SAMD5: variants seen among roughly 807,000 people sequenced by gnomAD.
SAMD5 encodes the protein sterile alpha motif domain-containing protein 5.
In SAMD5, 13 loss-of-function variants were observed where a neutral mutation model predicts 11.3. The observed-to-expected ratio is 1.15, with a 90% CI of 0.75 to 1.83. The LOEUF is 1.83. Among genes scored for constraint, SAMD5 ranks in the 40% most tolerant of loss-of-function variants. The pLI is 0.00. For synonymous variants in SAMD5, 129 were observed against 111.3 expected (o/e 1.16, Z -1.00); for missense variants, 255 against 239.1 (o/e 1.07, Z -0.44).
rs1379205586 is a variant in SAMD5 at position 147,705,426 on chromosome 6, G to T, written c.163-31891G>T. 2.0e-5 allele frequency among the ~76,000 whole-genome samples: 3 copies of T among 151,812 alleles called. No homozygotes were observed. In the South Asian group the frequency reaches 6.3e-4, roughly 32 times the overall value. On this transcript the variant is annotated intron_variant, in intron 1 of 1. Coordinates refer to the SAMD5 transcript ENST00000566741. ...AATAATTTTCCTAGAATAATTTATTGATGCATCTATCCATTTAAATATTCA... is the reference window on the plus strand; with the variant it reads ...AATAATTTTCCTAGAATAATTTATTTATGCATCTATCCATTTAAATATTCA...
At chr6:147,899,444 T>C in the SAMD5 span, among the ~76,000 whole-genome samples, 1 of 152,160 alleles carries the variant, frequency 6.6e-6, no homozygotes, top group Non-Finnish European at 1.5e-5. Context: ...TTTTAGATTT[T>C]CAATTGATTG....
intron 1 of SAMD5, among the ~76,000 whole-genome samples, chr6:147,520,174 G>T (rs1788230651): frequency 6.7e-6 from 1 of 148,946 alleles, no homozygotes; most frequent in African/African-American, 2.5e-5. Flanking sequence ...CTGGAGTGCA[G>T]AGGCACCATC....
At chr6:147,673,438 C>T (rs187631953) in intron 1 of SAMD5, among the ~76,000 whole-genome samples, 1 of 152,206 alleles carries the variant, frequency 6.6e-6, no homozygotes, top group East Asian at 1.9e-4. Context: ...TGGTCTTGAT[C>T]GCCTGACCTC....
chr6:147,643,047 A>G (rs773502237), intron 1 of SAMD5, among the ~76,000 whole-genome samples: 1 of 152,190 alleles, frequency 6.6e-6, no homozygotes, highest in Non-Finnish European at 1.5e-5. Context: ...AATTTTATTC[A>G]TTATTAATCC....
chr6:147,622,918 G>C (rs919644958), intron 1 of SAMD5, among the ~76,000 whole-genome samples: 2 of 152,100 alleles, frequency 1.3e-5, no homozygotes, highest in Non-Finnish European at 2.9e-5. Context: ...AAGCAAAAGG[G>C]GAAACCCCTT....
the SAMD5 span, among the ~76,000 whole-genome samples, chr6:147,816,301 A>AAAAAAAT: frequency 2.1e-3 from 140 of 66,334 alleles, 6 homozygotes; most frequent in African/African-American, 0.013. Context: ...AAAAAAAAAA[A>AAAAAAAT]ATATATATAT....
chr6:147,866,784 C>T, the SAMD5 span, among the ~76,000 whole-genome samples: 1 of 151,882 alleles, frequency 6.6e-6, no homozygotes, highest in South Asian at 2.1e-4. Context: ...TGGCTAAAAT[C>T]GTTTTAAAAG....
chr6:147,590,868 A>G (rs1789442339), intron 1 of SAMD5, among the ~76,000 whole-genome samples: 1 of 152,236 alleles, frequency 6.6e-6, no homozygotes, highest in African/African-American at 2.4e-5. Flanking sequence ...AGAAGTAACT[A>G]AATGGTAATA....
At chr6:147,921,903 A>G in the SAMD5 span, among the ~76,000 whole-genome samples, 1 of 152,184 alleles carries the variant, frequency 6.6e-6, no homozygotes, top group African/African-American at 2.4e-5. Context: ...TATGGGAAAA[A>G]CAATACAAAG....
chr6:147,717,433 G>T (rs1791484066), intron 1 of SAMD5, among the ~76,000 whole-genome samples: 1 of 152,098 alleles, frequency 6.6e-6, no homozygotes, highest in Non-Finnish European at 1.5e-5. Context: ...TGGCTATTAG[G>T]CAGTGCAGTG....
the SAMD5 span, among the ~76,000 whole-genome samples, chr6:147,796,726 A>C: frequency 6.6e-6 from 1 of 151,866 alleles, no homozygotes; most frequent in Non-Finnish European, 1.5e-5. Context: ...ATTTGTTTGT[A>C]TCCTCTTTTA....
At chr6:147,848,167 A>C in the SAMD5 span, among the ~76,000 whole-genome samples, 1 of 152,204 alleles carries the variant, frequency 6.6e-6, no homozygotes, top group South Asian at 2.1e-4. Flanking sequence ...TCTTACATTA[A>C]AGAGCATTTA....
intron 1 of SAMD5, among the ~76,000 whole-genome samples, chr6:147,715,603 A>T (rs1583150629): frequency 6.6e-6 from 1 of 152,296 alleles, no homozygotes; most frequent in East Asian, 1.9e-4. Context: ...AGCAAGGGGC[A>T]TGTTTCAGCC....
the SAMD5 span, among the ~76,000 whole-genome samples, chr6:147,811,990 A>G: frequency 6.6e-6 from 1 of 152,006 alleles, no homozygotes; most frequent in Non-Finnish European, 1.5e-5. Flanking sequence ...ACTTTTGGGG[A>G]GAGAGGGGAG....
intron 1 of SAMD5, among the ~76,000 whole-genome samples, chr6:147,591,450 G>A (rs978201326): frequency 6.6e-6 from 1 of 152,188 alleles, no homozygotes; most frequent in Admixed American, 6.5e-5. Flanking sequence ...GTCGGCCACT[G>A]TTGGATGTGT....
the SAMD5 span, among the ~76,000 whole-genome samples, chr6:147,807,691 G>A: frequency 2.1e-3 from 316 of 152,288 alleles, 3 homozygotes; most frequent in African/African-American, 7.0e-3. Flanking sequence ...TTATGTGTAA[G>A]ATGTTGAGGA....
chr6:147,766,458 C>A, the SAMD5 span, among the ~76,000 whole-genome samples: 3 of 152,244 alleles, frequency 2.0e-5, no homozygotes, highest in East Asian at 3.9e-4. Context: ...ATGAGCCATT[C>A]ATACCCAAAG....
At chr6:147,539,618 G>T (rs1562315664) in intron 1 of SAMD5, among the ~76,000 whole-genome samples, 1 of 151,384 alleles carries the variant, frequency 6.6e-6, no homozygotes. Context: ...TGGGGCCTGC[G>T]GTGCCTTCTG....
intron 1 of SAMD5, among the ~76,000 whole-genome samples, chr6:147,695,331 A>T (rs1791160091): frequency 6.6e-6 from 1 of 151,990 alleles, no homozygotes; most frequent in African/African-American, 2.4e-5. Context: ...TTTTTTCCAT[A>T]AAACCCTCTA....
Sources: gnomAD v4.1 joint callset for allele counts (sites outside exome capture counted in the v4.1 genomes callset) on GRCh38, gnomAD v4.1.1 for gene constraint, MANE v1.5 for transcripts, NCBI Gene and HGNC (gene_info 2026-07-23, HGNC 2026-07-21) for gene names.